PCDHGB6: variants seen among roughly 807,000 people sequenced by gnomAD.
The protein encoded by PCDHGB6 is protocadherin gamma subfamily B, 6.
Under a neutral mutation model 59.1 loss-of-function variants are expected in PCDHGB6, and 51 were observed. The ratio of observed to expected loss-of-function variants is 0.86; its 90% CI spans 0.69 to 1.09. The LOEUF (loss-of-function observed/expected upper bound fraction) is 1.09, where lower values mean the gene tolerates loss of function less well. Among genes scored for constraint, PCDHGB6 ranks in the 50% least tolerant of loss-of-function variants. The pLI is 0.00. For missense variants in PCDHGB6, 1,148 were observed against 1,205.1 expected (o/e 0.95, Z 0.70); for synonymous variants, 466 against 495.1 (o/e 0.94, Z 0.78).
At chr5:141,440,115 A>G (rs921555018) in intron 1 of PCDHGB6, 4 of 152,250 alleles carry the variant, frequency 2.6e-5, no homozygotes, top group African/African-American at 4.8e-5. Flanking sequence ...TTACTTGTGA[A>G]TGACTGAATG....
In PCDHGB6 at chr5:141,409,462, C is replaced by A. The variant is rs377705841; in HGVS notation, c.1260C>A (p.Val420=). ...GAGAGCAGACACCAGAATACAATGT[C>A]ACCATCGTAGCCACTGACAGGGGCA... ...LDREQTPEYN[V]TIVATDRGKP... The change falls in exon 1 of 4, where the codon GTC becomes GTA. Residue 420 remains valine (V), a synonymous_variant. Transcript: ENST00000520790. 64 of 1,613,870 alleles carry A rather than the reference C, an allele frequency of 4.0e-5. No homozygotes were observed. Among genetic ancestry groups the A allele is most frequent in the Non-Finnish European group, 5.3e-5 (62 of 1,179,894 alleles).
Position 141,511,212 on chromosome 5 carries a change from C to T in PCDHGB6, c.*39C>T. ...CCAAGAGCCACAGGGCGGCCTCTCC[C>T]CAACCAGCCCAGCTTCTCCTTACCT... is the stretch of plus-strand genomic sequence containing the variant. On this transcript the variant is annotated 3_prime_UTR_variant, in exon 4 of 4. Coordinates refer to ENST00000520790, the MANE Select transcript of PCDHGB6 (RefSeq NM_018926.3). 6.2e-7 allele frequency: 1 copy of T among 1,608,656 alleles called. No individual in the cohort carries two copies. Among genetic ancestry groups the T allele is most frequent in the Non-Finnish European group, 8.5e-7 (1 of 1,177,502 alleles).
In PCDHGB6 at chr5:141,418,490, G is replaced by A. The variant is rs1473964718; in HGVS notation, c.2418+7870G>A. On this transcript the variant is annotated intron_variant, in intron 1 of 3. Coordinates refer to ENST00000520790, the MANE Select transcript of PCDHGB6 (RefSeq NM_018926.3). Reference sequence around the variant, plus strand: ...AGAAACGCAGAGCGCTCACCACTTGGTACTGACCGCCTTAGATGGTGGGGA... The same window carrying A: ...AGAAACGCAGAGCGCTCACCACTTGATACTGACCGCCTTAGATGGTGGGGA... 5.6e-6 allele frequency: 9 copies of A among 1,613,996 alleles called. No homozygotes were observed. In the East Asian group the frequency reaches 1.6e-4, roughly 28 times the overall value.
At chr5:141,506,699 C>T (rs758682427) in intron 3 of PCDHGB6, among the ~76,000 whole-genome samples, 2 of 152,094 alleles carry the variant, frequency 1.3e-5, no homozygotes, top group Non-Finnish European at 2.9e-5. Flanking sequence ...GACCCAAACC[C>T]GTTTTTTACT....
chr5:141,419,852 G>A, intron 1 of PCDHGB6: 1 of 1,614,066 alleles, frequency 6.2e-7, no homozygotes, highest in Non-Finnish European at 8.5e-7. Flanking sequence ...CCTGGTGTTC[G>A]CAGATAGCTT....
chr5:141,443,317 C>CAAA (rs35054295), intron 1 of PCDHGB6, among the ~76,000 whole-genome samples: 8 of 142,020 alleles, frequency 5.6e-5, no homozygotes, highest in African/African-American at 2.1e-4. Context: ...CCCATCTCTA[C>CAAA]AAAAAAAAAA....
In PCDHGB6 at chr5:141,456,564, A is replaced by G. The variant is rs1174191537; in HGVS notation, c.2419-38243A>G. ...TTGTAGCCACTCGGGGCTGAAGCCC[A>G]CATTTTCCCTGAGCCTGTCAATAAT... On this transcript the variant is annotated intron_variant, in intron 1 of 3. Coordinates refer to ENST00000520790, the MANE Select transcript of PCDHGB6 (RefSeq NM_018926.3). Among the ~76,000 whole-genome samples the G allele has an allele frequency of 2.6e-5, 4 of 152,338 alleles. No individual in the cohort carries two copies. The South Asian group carries it at 6.2e-4, about 24-fold the overall frequency.
chr5:141,477,519 A>C lies in PCDHGB6; in HGVS notation c.2419-17288A>C, dbSNP rs1255751458. 1 of 1,614,174 alleles carries C rather than the reference A, an allele frequency of 6.2e-7. No individual in the cohort carries two copies. The highest frequency in any genetic ancestry group is 2.2e-5 in the East Asian group (1 of 44,882). Reference sequence around the variant, plus strand: ...TCTTCCTACGACGTTTACATTGAAGAAAACAACCTCCCCGGGGCTCCAATA... The same window carrying C: ...TCTTCCTACGACGTTTACATTGAAGCAAACAACCTCCCCGGGGCTCCAATA... On this transcript the variant is annotated intron_variant, in intron 1 of 3. Transcript: ENST00000520790. The surrounding 1 kb of genome is among the most constrained non-coding windows in gnomAD (Gnocchi z 4.9).
chr5:141,494,914 A>G (rs906245656), intron 2 of PCDHGB6, 49 bp downstream of exon 2: 5 of 1,613,708 alleles, frequency 3.1e-6, no homozygotes, highest in Admixed American at 1.7e-5. Context: ...GCATTTTCTC[A>G]GGGATGACGT....
intron 2 of PCDHGB6, among the ~76,000 whole-genome samples, chr5:141,503,595 G>T (rs6892628): frequency 0.52 from 72,995 of 139,870 alleles, 19,322 homozygotes; most frequent in African/African-American, 0.64. Flanking sequence ...CGAGACTCCA[G>T]CTCAAAAAAA....
chr5:141,430,889 A>G, intron 1 of PCDHGB6: 1 of 1,605,270 alleles, frequency 6.2e-7, no homozygotes, highest in African/African-American at 1.3e-5. Flanking sequence ...GAAAGGCTCT[A>G]GGGTGGGCGA....
chr5:141,430,666 G>A (rs2097301396), intron 1 of PCDHGB6: 1 of 1,222,518 alleles, frequency 8.2e-7, no homozygotes, highest in Admixed American at 2.7e-5. Flanking sequence ...GAGGAGCTCT[G>A]ACTTCCCAAC....
chr5:141,457,649 A>C (rs1303184316), intron 1 of PCDHGB6, among the ~76,000 whole-genome samples: 1 of 152,282 alleles, frequency 6.6e-6, no homozygotes, highest in Non-Finnish European at 1.5e-5. Context: ...TATTTGCATG[A>C]AGTGCAGCAA....
At chr5:141,473,236 A>G (rs1314160781) in intron 1 of PCDHGB6, among the ~76,000 whole-genome samples, 1 of 152,200 alleles carries the variant, frequency 6.6e-6, no homozygotes, top group Non-Finnish European at 1.5e-5. Flanking sequence ...GGATCCACAC[A>G]AGTGAATACA....
chr5:141,496,663 G>A (rs2099770279), intron 2 of PCDHGB6, among the ~76,000 whole-genome samples: 1 of 152,196 alleles, frequency 6.6e-6, no homozygotes, highest in Admixed American at 6.5e-5. Context: ...GACCCCAGCT[G>A]TTGTCCTTCT....
intron 1 of PCDHGB6, chr5:141,479,198 GA>G (rs1288699377): frequency 6.6e-6 from 1 of 152,304 alleles, no homozygotes; most frequent in African/African-American, 2.4e-5. Context: ...AGAAAATACA[GA>G]AAAGTATTTA....
Position 141,491,713 on chromosome 5 carries a change from G to T in PCDHGB6, c.2419-3094G>T. The T allele has an allele frequency of 6.2e-7, 1 of 1,609,174 alleles. No individual in the cohort carries two copies. The highest frequency in any genetic ancestry group is 8.5e-7 in the Non-Finnish European group (1 of 1,178,054). On this transcript the variant is annotated intron_variant, in intron 1 of 3. Transcript: ENST00000520790. The surrounding 1 kb of genome is among the most constrained non-coding windows in gnomAD (Gnocchi z 6.9). ...GGAGCGGAGCCAGGTGAGGGGCTCG[G>T]CGCCGCCCCGGGCGACCCCTGGGGG...
At chr5:141,496,262 C>G (rs934511905) in intron 2 of PCDHGB6, among the ~76,000 whole-genome samples, 3 of 152,158 alleles carry the variant, frequency 2.0e-5, no homozygotes, top group African/African-American at 7.2e-5. Flanking sequence ...GAAACTTCAG[C>G]AGAAAGACCT....
rs188066304 is a variant in PCDHGB6, at chr5:141,450,907, C to T, written c.2418+40287C>T. On this transcript the variant is annotated intron_variant, in intron 1 of 3. Coordinates refer to ENST00000520790, the MANE Select transcript of PCDHGB6 (RefSeq NM_018926.3). ...TGGTGCGATATCGGCTCACTGCAAC[C>T]GCTGCCTCCCAGATTCAAGCAATTC... is the stretch of plus-strand genomic sequence containing the variant. 6.7e-3 allele frequency among the ~76,000 whole-genome samples: 1,004 copies of T among 150,024 alleles called. 12 individuals carry two copies. The highest frequency in any genetic ancestry group is 0.024 in the African/African-American group (970 of 40,702).
Sources: allele counts gnomAD v4.1 joint callset (sites outside exome capture counted in the v4.1 genomes callset), GRCh38; gene constraint gnomAD v4.1.1; non-coding constraint Gnocchi (gnomAD v3.1); transcripts MANE v1.5; gene names NCBI Gene and HGNC (gene_info 2026-07-23, HGNC 2026-07-21).